Variants in UGT1A4 observed in about 807,000 individuals in gnomAD.
UGT1A4 encodes UDP-glucuronosyltransferase 1A4.
In UGT1A4, 32 loss-of-function variants were observed where a neutral mutation model predicts 41.1. That is an observed-to-expected ratio of 0.78 (90% CI 0.59 to 1.05). The LOEUF (loss-of-function observed/expected upper bound fraction) is 1.05, where lower values mean the gene tolerates loss of function less well. Ranked by LOEUF, UGT1A4 falls within the 50% of genes least tolerant of loss-of-function variation. The probability of loss-of-function intolerance (pLI) is 0.00; values close to 1 mark genes in which losing one functional copy is unlikely to be tolerated. For missense variants in UGT1A4, 748 were observed against 677.4 expected (o/e 1.10, Z -1.16); for synonymous variants, 283 against 265.1 (o/e 1.07, Z -0.66).
At chr2:233,743,069 T>G in intron 1 of UGT1A4, 1 of 339,242 alleles carries the variant, frequency 2.9e-6, no homozygotes, top group Non-Finnish European at 5.8e-6. Context: ...AGAACAGGTG[T>G]TGGCATGAAG....
chr2:233,754,865 T>G, intron 1 of UGT1A4: 2 of 1,351,074 alleles, frequency 1.5e-6, no homozygotes, highest in Non-Finnish European at 2.0e-6. Flanking sequence ...GTGCAGACCC[T>G]CTGCTTCTGC....
intron 1 of UGT1A4, among the ~76,000 whole-genome samples, chr2:233,745,661 A>G (rs1429589845): frequency 6.6e-6 from 1 of 151,454 alleles, no homozygotes; most frequent in East Asian, 1.9e-4. Context: ...CAGTGTGAAC[A>G]AAGCAATTTG....
At chr2:233,724,684 G>A (rs1018251695) in intron 1 of UGT1A4, among the ~76,000 whole-genome samples, 5 of 144,476 alleles carry the variant, frequency 3.5e-5, no homozygotes, top group Non-Finnish European at 6.0e-5. Context: ...ATGGGATGGC[G>A]GCCGGGTGAA....
rs1054717922 is a variant in UGT1A4, at chr2:233,744,074, G to A, written c.868-22960G>A. On this transcript the variant is annotated intron_variant, in intron 1 of 4. Coordinates refer to ENST00000373409, the MANE Select transcript of UGT1A4 (RefSeq NM_007120.3). ...ATTGGTCGAGGCCTATGAGCGCCTC[G>A]CATCCCAAGATGCAGTGCTTCTGGG... The A allele has an allele frequency of 7.4e-5, 35 of 470,704 alleles. No homozygotes were observed. In the Middle Eastern group the frequency reaches 2.5e-3, roughly 34 times the overall value. 29.2% of individuals were successfully genotyped at this position (470,704 alleles called of 1,614,324 possible). A position where few individuals can be genotyped will look rare whatever the true frequency, so the allele number is the denominator to read the frequency against.
At chr2:233,765,830 A>G (rs929596) in intron 1 of UGT1A4, among the ~76,000 whole-genome samples, 48,017 of 151,854 alleles carry the variant, frequency 0.32, 7,975 homozygotes, top group African/African-American at 0.41. Flanking sequence ...GAAACAGGAA[A>G]ACTTTCCTTG....
chr2:233,743,344 G>C, intron 1 of UGT1A4: 1 of 880,632 alleles, frequency 1.1e-6, no homozygotes, highest in South Asian at 1.4e-5. Context: ...AGTGGAAGTC[G>C]ACATGGACTT....
intron 1 of UGT1A4, among the ~76,000 whole-genome samples, chr2:233,765,617 G>A (rs988431612): frequency 6.6e-6 from 1 of 151,904 alleles, no homozygotes; most frequent in Non-Finnish European, 1.5e-5. Flanking sequence ...GGGGTGAGGG[G>A]TGAGGGGAGG....
chr2:233,753,719 T>C (rs1290190977), intron 1 of UGT1A4: 1 of 152,208 alleles, frequency 6.6e-6, no homozygotes, highest in Non-Finnish European at 1.5e-5. Flanking sequence ...TCAACCTAAT[T>C]TGATATGCCC....
chr2:233,751,722 ACTCTTC>A (rs1694794722), intron 1 of UGT1A4, among the ~76,000 whole-genome samples: 1 of 150,748 alleles, frequency 6.6e-6, no homozygotes, highest in African/African-American at 2.4e-5. Context: ...TCACAAGTGA[ACTCTTC>A]CTCTCTGTTT....
intron 1 of UGT1A4, among the ~76,000 whole-genome samples, chr2:233,735,366 G>C (rs2078646092): frequency 6.6e-6 from 1 of 151,988 alleles, no homozygotes; most frequent in Non-Finnish European, 1.5e-5. Context: ...TTGTTTGGTA[G>C]ATCTTCCTCC....
At chr2:233,730,895 C>G (rs909746979) in intron 1 of UGT1A4, among the ~76,000 whole-genome samples, 5 of 152,098 alleles carry the variant, frequency 3.3e-5, no homozygotes, top group African/African-American at 1.2e-4. Flanking sequence ...GGGATCTACT[C>G]CTTTACCAAA....
chr2:233,761,143 C>T, intron 1 of UGT1A4: 1 of 1,614,232 alleles, frequency 6.2e-7, no homozygotes, highest in Non-Finnish European at 8.5e-7. Flanking sequence ...CCAAAATCCA[C>T]TATCCCAGGT....
At chr2:233,725,145 C>G (rs1322618816) in intron 1 of UGT1A4, among the ~76,000 whole-genome samples, 10 of 128,172 alleles carry the variant, frequency 7.8e-5, no homozygotes, top group African/African-American at 3.4e-4. Context: ...CAGTACAGTC[C>G]AGCTTCGGCT....
chr2:233,729,914 T>C (rs774517230), intron 1 of UGT1A4: 73 of 1,613,908 alleles, frequency 4.5e-5, no homozygotes, highest in Non-Finnish European at 5.8e-5. Context: ...GACTTTGTGA[T>C]GGACTACCCC....
intron 1 of UGT1A4, chr2:233,742,995 C>A (rs1168922692): frequency 4.3e-6 from 1 of 233,716 alleles, no homozygotes; most frequent in African/African-American, 2.3e-5. Flanking sequence ...TAGCAAATTG[C>A]ATACAGATAT....
At chr2:233,729,664 T>G (rs755209657) in intron 1 of UGT1A4, 35 of 1,613,812 alleles carry the variant, frequency 2.2e-5, no homozygotes, top group Non-Finnish European at 3.0e-5. Context: ...TCCATGTGAT[T>G]TAGACTTTAA....
At chr2:233,755,366 T>C in intron 1 of UGT1A4, 1 of 363,028 alleles carries the variant, frequency 2.8e-6, no homozygotes, top group East Asian at 7.5e-5. Context: ...CTGGGCCGCC[T>C]GGAGGGCCGC....
intron 1 of UGT1A4, chr2:233,729,500 A>G (rs761749165): frequency 6.2e-7 from 1 of 1,614,228 alleles, no homozygotes; most frequent in African/African-American, 1.3e-5. Flanking sequence ...TTGGTCTATC[A>G]TAGGTCTTGT....
At position 233,721,338 on chromosome 2, in the gene UGT1A4, A is replaced by C. The variant is rs569629539; in HGVS notation, c.867+1651A>C. On this transcript the variant is annotated intron_variant, in intron 1 of 4. Transcript: ENST00000373409. Reference sequence around the variant, plus strand: ...TCTTTTCTTGTGGTTTTTCACTATGAATATATTCTTTAGACTGAACTGCAC... The same window carrying C: ...TCTTTTCTTGTGGTTTTTCACTATGCATATATTCTTTAGACTGAACTGCAC... Among the ~76,000 whole-genome samples, 10 of 152,226 alleles carry C rather than the reference A, an allele frequency of 6.6e-5. No homozygotes were observed. The South Asian group carries it at 1.9e-3, about 28-fold the overall frequency.
Sources: gnomAD v4.1 joint callset for allele counts (sites outside exome capture counted in the v4.1 genomes callset) on GRCh38, gnomAD v4.1.1 for gene constraint, MANE v1.5 for transcripts, NCBI Gene and HGNC (gene_info 2026-07-23, HGNC 2026-07-21) for gene names.